ITPR2: variants seen among roughly 807,000 people sequenced by gnomAD.
ITPR2 encodes inositol 1,4,5-trisphosphate receptor type 2, also known as inositol 1,4,5-trisphosphate-gated calcium channel ITPR2.
Under a neutral mutation model 317.1 loss-of-function variants are expected in ITPR2, and 207 were observed. The observed-to-expected ratio is 0.65, with a 90% CI of 0.58 to 0.73. The LOEUF is 0.73. ITPR2 is among the 30% of genes least tolerant of loss of function. The probability of loss-of-function intolerance (pLI) is 0.00; values close to 1 mark genes in which losing one functional copy is unlikely to be tolerated. For synonymous variants in ITPR2, 1,156 were observed against 1,149.1 expected (o/e 1.01, Z -0.12); for missense variants, 2,613 against 3,284.0 (o/e 0.80, Z 4.99).
Position 26,595,510 on chromosome 12 carries a change from G to A in ITPR2, c.4335C>T (p.Asn1445=), listed in dbSNP as rs780354041. The change falls in exon 32 of 57, where the codon AAC becomes AAT. Residue 1445 remains asparagine, a synonymous_variant. Transcript: ENST00000381340. ...EVEMKEIYTS[N]HIWKLFENFL... is the part of the protein sequence containing the mutation. ...AGTTCTCAAATAATTTCCAAATGTGGTTACTTGTATAGATTTCTTTCATTT... is the reference window on the plus strand; with the variant it reads ...AGTTCTCAAATAATTTCCAAATGTGATTACTTGTATAGATTTCTTTCATTT... 1.1e-5 allele frequency: 18 copies of A among 1,605,808 alleles called. No individual in the cohort carries two copies. The highest frequency in any genetic ancestry group is 1.5e-5 in the Non-Finnish European group (18 of 1,177,472).
chr12:26,756,900 G>A (rs974328023), intron 2 of ITPR2, among the ~76,000 whole-genome samples: 1 of 152,176 alleles, frequency 6.6e-6, no homozygotes, highest in East Asian at 1.9e-4. Context: ...CTAAATCACA[G>A]GATGAGATAG....
chr12:26,655,149 G>C (rs1158087839), intron 20 of ITPR2, among the ~76,000 whole-genome samples: 1 of 151,988 alleles, frequency 6.6e-6, no homozygotes, highest in African/African-American at 2.4e-5. Flanking sequence ...TCTCCATAGA[G>C]ATAAAAAAAA....
rs1182062997 is a variant in ITPR2, at chr12:26,413,415, C to T, written c.7306+1888G>A. On this transcript the variant is annotated intron_variant, in intron 51 of 56. Transcript: ENST00000381340. ...CTGCACTCCAAATTTCACTGGCTAC[C>T]CAGGGGTGTCCTCAATAATGTCACT... Among the ~76,000 whole-genome samples, 3 of 152,258 alleles carry T rather than the reference C, an allele frequency of 2.0e-5. No individual in the cohort carries two copies. The East Asian group carries it at 5.8e-4, about 29-fold the overall frequency.
chr12:26,407,236 G>T (rs61914385), intron 52 of ITPR2, among the ~76,000 whole-genome samples: 16,062 of 152,246 alleles, frequency 0.11, 946 homozygotes, highest in African/African-American at 0.15. Context: ...TGAAGTGCAG[G>T]TTATAGAGGT....
Position 26,578,764 on chromosome 12 carries a change from G to T in ITPR2, c.4579C>A (p.Pro1527Thr). The T allele has an allele frequency of 2.5e-6, 4 of 1,611,414 alleles. No homozygotes were observed. The highest frequency in any genetic ancestry group is 3.4e-6 in the Non-Finnish European group (4 of 1,178,020). The change falls in exon 34 of 57, where the codon CCA becomes ACA. Residue 1527 changes from proline to threonine, a missense_variant. Pro to Thr is a conservative substitution (Grantham distance 38, BLOSUM62 -1). Transcript: ENST00000381340. Reference sequence around the variant, plus strand: ...GATTCCACTGAGGCTTTCTGCGCTGGGTTTGGCCAGGTGCAATTGTAAATT... The same window carrying T: ...GATTCCACTGAGGCTTTCTGCGCTGTGTTTGGCCAGGTGCAATTGTAAATT... ...FRIYNCTWPN[P>T]AQKASVESCI... is the part of the protein sequence containing the mutation.
rs1448835914 is a variant in ITPR2 at position 26,681,941 on chromosome 12, C to T, written c.1342G>A (p.Ala448Thr). 1 of 1,613,404 alleles carries T rather than the reference C, an allele frequency of 6.2e-7. No homozygotes were observed. Among genetic ancestry groups the T allele is most frequent in the Non-Finnish European group, 8.5e-7 (1 of 1,179,536 alleles). ...ACTGTGGTCGCTAGTACTTTATTGG[C>T]ATCATTGGCAAAGTCTAAGTCTCGA... ...EVRDLDFAND[A>T]NKVLATTVKK... is the part of the protein sequence containing the mutation. The change falls in exon 13 of 57, where the codon GCC becomes ACC. Residue 448 changes from alanine to threonine, a missense_variant. Ala to Thr is a moderately conservative substitution (Grantham distance 58). This residue lies in a region of ITPR2 where 515 missense variants were observed against 789.4 expected (regional missense o/e 0.65). Coordinates refer to ENST00000381340, the MANE Select transcript of ITPR2 (RefSeq NM_002223.4).
chr12:26,386,612 T>C (rs940297159), intron 55 of ITPR2, among the ~76,000 whole-genome samples: 11 of 151,108 alleles, frequency 7.3e-5, no homozygotes, highest in South Asian at 4.2e-4. Flanking sequence ...AGGAGGATCA[T>C]GAGTCATCTA....
intron 33 of ITPR2, among the ~76,000 whole-genome samples, chr12:26,579,604 TTCC>T (rs1211836432): frequency 1.3e-5 from 2 of 152,154 alleles, no homozygotes; most frequent in Admixed American, 6.5e-5. Context: ...TATTTAGCTT[TTCC>T]TCCTTTTAAG....
At chr12:26,825,883 C>T (rs769122466) in intron 1 of ITPR2, among the ~76,000 whole-genome samples, 5 of 152,188 alleles carry the variant, frequency 3.3e-5, no homozygotes, top group Non-Finnish European at 7.3e-5. Context: ...CTTCTTCCTC[C>T]ACAGTGAACA....
chr12:26,792,932 CAT>C (rs1480900041), intron 1 of ITPR2, among the ~76,000 whole-genome samples: 7 of 152,212 alleles, frequency 4.6e-5, no homozygotes, highest in African/African-American at 1.7e-4. Flanking sequence ...AGACTATCCA[CAT>C]GAGTCTAGAT....
rs1042297982 is a variant in ITPR2, at chr12:26,364,845, G to A, written c.7857+22589C>T. Among the ~76,000 whole-genome samples the A allele has an allele frequency of 6.6e-5, 10 of 152,178 alleles. No homozygotes were observed. In the East Asian group the frequency reaches 1.7e-3, roughly 26 times the overall value. On this transcript the variant is annotated intron_variant, in intron 55 of 56. Coordinates refer to ENST00000381340, the MANE Select transcript of ITPR2 (RefSeq NM_002223.4). ...CCCAATTTGTTCTGTGTACCCTGAC[G>A]GCCTCTAGGATGAGTCTGTAAAGGT...
intron 52 of ITPR2, among the ~76,000 whole-genome samples, chr12:26,410,004 T>A (rs1455961333): frequency 6.6e-6 from 1 of 152,196 alleles, no homozygotes; most frequent in African/African-American, 2.4e-5. Flanking sequence ...AATGGCATTT[T>A]AGCCAAGAGT....
At chr12:26,345,664 A>T (rs1266989942) in intron 55 of ITPR2, among the ~76,000 whole-genome samples, 1 of 152,158 alleles carries the variant, frequency 6.6e-6, no homozygotes, top group Non-Finnish European at 1.5e-5. Flanking sequence ...ATGCTTTTCC[A>T]TTGAAAGTAG....
At chr12:26,696,996 G>A (rs1187064538) in intron 9 of ITPR2, among the ~76,000 whole-genome samples, 1 of 152,198 alleles carries the variant, frequency 6.6e-6, no homozygotes, top group African/African-American at 2.4e-5. Flanking sequence ...AGCATGGTGT[G>A]AAGAGAGAAA....
At chr12:26,731,376 T>G (rs1949026059) in intron 2 of ITPR2, among the ~76,000 whole-genome samples, 1 of 152,164 alleles carries the variant, frequency 6.6e-6, no homozygotes, top group South Asian at 2.1e-4. Context: ...AAGAGTTCAA[T>G]GAAGACAATG....
chr12:26,364,870 T>C (rs1181190608), intron 55 of ITPR2, among the ~76,000 whole-genome samples: 1 of 152,150 alleles, frequency 6.6e-6, no homozygotes, highest in African/African-American at 2.4e-5. Context: ...TCTGTAAAGG[T>C]TAGCACTGGG....
intron 55 of ITPR2, among the ~76,000 whole-genome samples, chr12:26,356,131 A>T (rs933263737): frequency 2.6e-5 from 4 of 152,240 alleles, no homozygotes; most frequent in Admixed American, 1.3e-4. Flanking sequence ...TGCAGAATAT[A>T]GCAATGACAA....
intron 1 of ITPR2, among the ~76,000 whole-genome samples, chr12:26,818,424 A>C (rs1950893360): frequency 1.3e-5 from 2 of 152,242 alleles, no homozygotes; most frequent in South Asian, 4.1e-4. Flanking sequence ...AACAGATAAC[A>C]ATGACTTCGT....
intron 2 of ITPR2, among the ~76,000 whole-genome samples, chr12:26,745,065 G>C (rs1310336366): frequency 1.3e-5 from 2 of 152,222 alleles, no homozygotes; most frequent in African/African-American, 4.8e-5. Context: ...AGCATTATAA[G>C]TGTTCTCAGG....
Sources: gnomAD v4.1 joint callset for allele counts (sites outside exome capture counted in the v4.1 genomes callset) on GRCh38, gnomAD v4.1.1 for gene constraint, gnomAD v4.1.1 regional missense constraint, MANE v1.5 for transcripts, NCBI Gene and HGNC (gene_info 2026-07-23, HGNC 2026-07-21) for gene names.